The following LRRTM4 variants were observed in gnomAD, a reference collection of about 807,000 sequenced individuals.
LRRTM4 encodes leucine-rich repeat transmembrane neuronal protein 4.
Under a neutral mutation model 47.6 loss-of-function variants are expected in LRRTM4, and 25 were observed. The observed-to-expected ratio is 0.53, with a 90% CI of 0.38 to 0.73. The LOEUF (loss-of-function observed/expected upper bound fraction) is 0.73, where lower values mean the gene tolerates loss of function less well. Ranked by LOEUF, LRRTM4 falls within the 30% of genes least tolerant of loss-of-function variation. The probability of loss-of-function intolerance (pLI) is 0.00; values close to 1 mark genes in which losing one functional copy is unlikely to be tolerated. For synonymous variants in LRRTM4, 311 were observed against 269.5 expected (o/e 1.15, Z -1.51); for missense variants, 638 against 713.4 (o/e 0.89, Z 1.20).
intron 3 of LRRTM4, among the ~76,000 whole-genome samples, chr2:77,193,117 G>A (rs1329206685): frequency 1.3e-5 from 2 of 152,074 alleles, no homozygotes; most frequent in Non-Finnish European, 2.9e-5. Flanking sequence ...GTAATGCTTG[G>A]ATACGCAAGT....
chr2:77,512,866 G>A (rs551278552), intron 3 of LRRTM4, among the ~76,000 whole-genome samples: 23 of 152,150 alleles, frequency 1.5e-4, no homozygotes, highest in African/African-American at 5.3e-4. Context: ...AACCTTGTCC[G>A]TGAGATGCTA....
At chr2:76,896,350 G>A (rs1382155764) in intron 3 of LRRTM4, among the ~76,000 whole-genome samples, 1 of 151,864 alleles carries the variant, frequency 6.6e-6, no homozygotes, top group African/African-American at 2.4e-5. Flanking sequence ...AAAATAAGGT[G>A]AAAAAGTGCT....
At chr2:76,775,846 C>T (rs76579320) in intron 3 of LRRTM4, among the ~76,000 whole-genome samples, 3,855 of 151,840 alleles carry the variant, frequency 0.025, 87 homozygotes, top group South Asian at 0.11. Flanking sequence ...CATGCTGGTG[C>T]GCTGCACCCA....
At chr2:77,330,719 T>C (rs1449404094) in intron 3 of LRRTM4, among the ~76,000 whole-genome samples, 1 of 152,164 alleles carries the variant, frequency 6.6e-6, no homozygotes, top group Non-Finnish European at 1.5e-5. Flanking sequence ...GATGAATGGG[T>C]TGTTTTTGCT....
Position 76,846,167 on chromosome 2 carries a change from A to G in LRRTM4, c.1552-97251T>C, listed in dbSNP as rs549947026. On this transcript the variant is annotated intron_variant, in intron 3 of 3. Transcript: ENST00000409884. ...CTATTCCTATGGGATCCCGAATACC[A>G]AGGGATGACTGTAATTCCAAAACGG... Among the ~76,000 whole-genome samples the G allele has an allele frequency of 2.1e-4, 32 of 152,194 alleles. 1 individual carries two copies. The South Asian group carries it at 6.4e-3, about 31-fold the overall frequency.
chr2:77,458,800 G>A (rs1296324774), intron 3 of LRRTM4, among the ~76,000 whole-genome samples: 1 of 150,772 alleles, frequency 6.6e-6, no homozygotes, highest in Non-Finnish European at 1.5e-5. Flanking sequence ...ATATTGTTAA[G>A]GTTTGTCATT....
chr2:76,851,418 G>A (rs1444782083), intron 3 of LRRTM4, among the ~76,000 whole-genome samples: 3 of 152,076 alleles, frequency 2.0e-5, no homozygotes, highest in Non-Finnish European at 4.4e-5. Context: ...TTTTGTCTGG[G>A]CATCTCTTCA....
intron 3 of LRRTM4, among the ~76,000 whole-genome samples, chr2:77,311,543 C>T (rs1276629509): frequency 6.6e-6 from 1 of 152,174 alleles, no homozygotes; most frequent in Non-Finnish European, 1.5e-5. Flanking sequence ...TACTGCCTGT[C>T]TCCCTCATAA....
At chr2:77,229,804 T>C (rs773661043) in intron 3 of LRRTM4, among the ~76,000 whole-genome samples, 1 of 152,188 alleles carries the variant, frequency 6.6e-6, no homozygotes, top group Non-Finnish European at 1.5e-5. Flanking sequence ...ATTTTTTAAA[T>C]ACCTGAATAT....
At chr2:77,356,054 ACTACACTCCTGC>A (rs1189027211) in intron 3 of LRRTM4, among the ~76,000 whole-genome samples, 1 of 152,184 alleles carries the variant, frequency 6.6e-6, no homozygotes, top group Admixed American at 6.5e-5. Context: ...TTAATGTGCC[ACTACACTCCTGC>A]CTAGGCAACA....
chr2:77,247,308 T>C (rs976337133), intron 3 of LRRTM4, among the ~76,000 whole-genome samples: 1 of 152,034 alleles, frequency 6.6e-6, no homozygotes, highest in Non-Finnish European at 1.5e-5. Flanking sequence ...ATGTATAGAG[T>C]TGAGTACCTG....
chr2:76,911,417 C>G (rs1473426956), intron 3 of LRRTM4, among the ~76,000 whole-genome samples: 1 of 152,284 alleles, frequency 6.6e-6, no homozygotes, highest in African/African-American at 2.4e-5. Flanking sequence ...AATGCTTCCC[C>G]AAAACAATTA....
At chr2:77,077,772 T>C (rs1383140878) in intron 3 of LRRTM4, among the ~76,000 whole-genome samples, 1 of 152,184 alleles carries the variant, frequency 6.6e-6, no homozygotes, top group Non-Finnish European at 1.5e-5. Context: ...TCTGTCTTTA[T>C]ATGTGTGGAA....
intron 3 of LRRTM4, among the ~76,000 whole-genome samples, chr2:77,186,335 C>T (rs1297786458): frequency 6.6e-6 from 1 of 152,120 alleles, no homozygotes; most frequent in Non-Finnish European, 1.5e-5. Flanking sequence ...CAAATATAAC[C>T]AGCATCTGTC....
intron 3 of LRRTM4, among the ~76,000 whole-genome samples, chr2:77,152,852 A>T (rs1415501453): frequency 1.3e-5 from 2 of 152,126 alleles, no homozygotes; most frequent in East Asian, 1.9e-4. Flanking sequence ...GTACAAAGAG[A>T]TGTTATAATT....
chr2:76,968,366 A>G (rs1246191715), intron 3 of LRRTM4, among the ~76,000 whole-genome samples: 2 of 134,118 alleles, frequency 1.5e-5, no homozygotes, highest in Non-Finnish European at 3.2e-5. Context: ...ATATATATAT[A>G]TATATATATA....
intron 3 of LRRTM4, among the ~76,000 whole-genome samples, chr2:77,160,989 T>C (rs1672712789): frequency 6.6e-6 from 1 of 152,152 alleles, no homozygotes; most frequent in Non-Finnish European, 1.5e-5. Flanking sequence ...AGGAATTTGT[T>C]TTTACTTTTA....
At chr2:77,243,358 C>T (rs959996499) in intron 3 of LRRTM4, among the ~76,000 whole-genome samples, 7 of 139,668 alleles carry the variant, frequency 5.0e-5, no homozygotes, top group East Asian at 2.0e-4. Context: ...TGCGGTGAGC[C>T]GAGATCGTGC....
intron 3 of LRRTM4, among the ~76,000 whole-genome samples, chr2:77,101,333 A>G (rs1670947686): frequency 6.6e-6 from 1 of 152,190 alleles, no homozygotes; most frequent in African/African-American, 2.4e-5. Context: ...TATATTCTCT[A>G]TACCAGAAGT....
Sources: gnomAD v4.1 joint callset for allele counts (sites outside exome capture counted in the v4.1 genomes callset) on GRCh38, gnomAD v4.1.1 for gene constraint, MANE v1.5 for transcripts, NCBI Gene and HGNC (gene_info 2026-07-23, HGNC 2026-07-21) for gene names.